DNAJC11: variants seen among roughly 807,000 people sequenced by gnomAD.
DNAJC11 encodes dnaJ homolog subfamily C member 11.
DNAJC11 carries 15 observed loss-of-function variants against 78.6 expected under a neutral mutation model. The ratio of observed to expected loss-of-function variants is 0.19; its 90% CI spans 0.13 to 0.29. The LOEUF is 0.29. DNAJC11 is among the 10% of genes least tolerant of loss of function. The pLI is 1.00. For synonymous variants in DNAJC11, 292 were observed against 272.1 expected, an observed-to-expected ratio of 1.07 and a Z score of -0.72; for missense variants, 547 against 709.6, an observed-to-expected ratio of 0.77 and a Z score of 2.60.
At chr1:6,672,399 C>G (rs1014218233) in intron 3 of DNAJC11, among the ~76,000 whole-genome samples, 3 of 152,178 alleles carry the variant, frequency 2.0e-5, no homozygotes, top group Admixed American at 2.0e-4. Context: ...GGAAAAGATT[C>G]ATTTTCAGGA....
chr1:6,698,463 G>A (rs943869764), intron 1 of DNAJC11, among the ~76,000 whole-genome samples: 1 of 151,992 alleles, frequency 6.6e-6, no homozygotes, highest in African/African-American at 2.4e-5. Context: ...ATGGAATCCC[G>A]GGATGGAAAA....
chr1:6,692,323 C>T (rs886758433), intron 1 of DNAJC11, among the ~76,000 whole-genome samples: 2 of 152,054 alleles, frequency 1.3e-5, no homozygotes, highest in African/African-American at 2.4e-5. Flanking sequence ...CCTCCCTGCA[C>T]ACAGGCAGCT....
chr1:6,642,486 G>A (rs1238162193), intron 10 of DNAJC11, among the ~76,000 whole-genome samples: 2 of 152,086 alleles, frequency 1.3e-5, no homozygotes, highest in Admixed American at 6.6e-5. Context: ...GAAAGAGATC[G>A]AGGCTGACTC....
chr1:6,699,218 GC>G (rs1642886610), intron 1 of DNAJC11, among the ~76,000 whole-genome samples: 1 of 151,738 alleles, frequency 6.6e-6, no homozygotes, highest in African/African-American at 2.4e-5. Context: ...GAGCACCTGA[GC>G]CCGGGGAAGT....
At position 6,653,985 on chromosome 1, in the gene DNAJC11, C is replaced by T. The variant is rs769835924; in HGVS notation, c.433G>A (p.Glu145Lys). ...ATDLFDRYDE[E>K]YEDVSGSSFP... ...CTACTGCCGGACACATCTTCATACTCCTCATCATAGCGATCAAAAAGGTCG... is the reference window on the plus strand; with the variant it reads ...CTACTGCCGGACACATCTTCATACTTCTCATCATAGCGATCAAAAAGGTCG... The change falls in exon 5 of 16, where the codon GAG becomes AAG. Residue 145 changes from glutamate (E) to lysine (K), a missense_variant. Coordinates refer to ENST00000377577, the MANE Select transcript of DNAJC11 (RefSeq NM_018198.4). This position sits in a 1 kb window ranked among gnomAD's most constrained non-coding sequence, Gnocchi z 4.5. 2 of 1,613,702 alleles carry T rather than the reference C, an allele frequency of 1.2e-6. No individual in the cohort carries two copies. Among genetic ancestry groups the T allele is most frequent in the Non-Finnish European group, 1.7e-6 (2 of 1,179,716 alleles).
Position 6,680,181 on chromosome 1 carries a change from A to AT in DNAJC11, c.202+726dup, listed in dbSNP as rs531684542. Among the ~76,000 whole-genome samples, 683 of 152,166 alleles carry AT rather than the reference A, an allele frequency of 4.5e-3. 7 individuals carry two copies. Among genetic ancestry groups the AT allele is most frequent in the Non-Finnish European group, 5.7e-3 (385 of 67,998 alleles). ...TTGATGTATATAACAGTGATTTAAC[A>AT]TTTTTTTTAATTTAAATTTTAAAAA... On this transcript the variant is annotated intron_variant, in intron 2 of 15. Transcript: ENST00000377577. This position sits in a 1 kb window ranked among gnomAD's most constrained non-coding sequence, Gnocchi z 4.0.
chr1:6,646,660 A>G (rs1420162970), intron 7 of DNAJC11, among the ~76,000 whole-genome samples: 1 of 152,168 alleles, frequency 6.6e-6, no homozygotes, highest in Non-Finnish European at 1.5e-5. Context: ...TCCCGAAAAG[A>G]GCCTCTGCAG....
chr1:6,690,108 G>A (rs900957362), intron 1 of DNAJC11, among the ~76,000 whole-genome samples: 1 of 152,126 alleles, frequency 6.6e-6, no homozygotes, highest in Admixed American at 6.6e-5. Flanking sequence ...CCCCTAACCC[G>A]AAAGATTGTT....
intron 10 of DNAJC11, 52 bp downstream of exon 10, chr1:6,644,506 T>A (rs1641936248): frequency 7.8e-7 from 1 of 1,275,650 alleles, no homozygotes; most frequent in African/African-American, 1.5e-5. Context: ...AAAGCCTGGT[T>A]GAGTGAAGGT....
At chr1:6,649,185 CTT>C (rs879310876) in intron 7 of DNAJC11, among the ~76,000 whole-genome samples, 1 of 144,932 alleles carries the variant, frequency 6.9e-6, no homozygotes. Context: ...GGAAGCACTG[CTT>C]TTTTTTTTTT....
intron 1 of DNAJC11, among the ~76,000 whole-genome samples, chr1:6,697,839 C>T (rs1298655683): frequency 6.7e-6 from 1 of 149,870 alleles, no homozygotes; most frequent in Non-Finnish European, 1.5e-5. Context: ...GAGTCTTGCT[C>T]TGTCACCCAG....
At chr1:6,639,843 G>A (rs1570263614) in intron 11 of DNAJC11, 59 bp downstream of exon 11, 1 of 1,556,136 alleles carries the variant, frequency 6.4e-7, no homozygotes, top group East Asian at 2.3e-5. Flanking sequence ...TCCATTTTAA[G>A]GGTGAGGAAA....
chr1:6,637,170 T>TAGCA (rs1258559666), intron 14 of DNAJC11, 28 bp downstream of exon 14: 5 of 1,613,514 alleles, frequency 3.1e-6, no homozygotes, highest in Non-Finnish European at 4.2e-6. Flanking sequence ...TGTGAGCACA[T>TAGCA]AGCATGTGGT....
chr1:6,645,891 C>G lies in DNAJC11; in HGVS notation c.792G>C (p.Lys264Asn). 1.2e-6 allele frequency: 2 copies of G among 1,614,202 alleles called. No homozygotes were observed. The highest frequency in any genetic ancestry group is 2.2e-5 in the East Asian group (1 of 44,882). Reference sequence around the variant, plus strand: ...GCCACTGCAGGTAGCCCACGGTGTTCTTGTCTAGGTTCCGAGCTAGGACAG... The same window carrying G: ...GCCACTGCAGGTAGCCCACGGTGTTGTTGTCTAGGTTCCGAGCTAGGACAG... ...LTTVLARNLD[K>N]NTVGYLQWRW... The change falls in exon 8 of 16, where the codon AAG becomes AAC. Residue 264 changes from lysine to asparagine, a missense_variant. Physicochemically the swap from Lys to Asn is moderately conservative, Grantham distance 94. Coordinates refer to ENST00000377577, the MANE Select transcript of DNAJC11 (RefSeq NM_018198.4). The surrounding 1 kb of genome is among the most constrained non-coding windows in gnomAD (Gnocchi z 4.1).
chr1:6,654,261 T>C, intron 4 of DNAJC11: 1 of 437,194 alleles, frequency 2.3e-6, no homozygotes, highest in Non-Finnish European at 4.2e-6. Flanking sequence ...GAAAACATCA[T>C]TTGACCAGGA....
At chr1:6,648,699 G>A (rs372620824) in intron 7 of DNAJC11, among the ~76,000 whole-genome samples, 4 of 151,966 alleles carry the variant, frequency 2.6e-5, no homozygotes, top group Admixed American at 6.6e-5. Flanking sequence ...TCAAGTGATC[G>A]TCTCACCTGG....
chr1:6,647,222 C>T (rs968335851), intron 7 of DNAJC11, among the ~76,000 whole-genome samples: 1 of 151,342 alleles, frequency 6.6e-6, no homozygotes, highest in Non-Finnish European at 1.5e-5. Context: ...GCTGGGACTA[C>T]AGGCGCCCAC....
At chr1:6,647,817 CACAAA>C (rs1279042223) in intron 7 of DNAJC11, among the ~76,000 whole-genome samples, 3 of 151,978 alleles carry the variant, frequency 2.0e-5, no homozygotes, top group African/African-American at 4.8e-5. Flanking sequence ...CCGTCTCAAA[CACAAA>C]ACAAAACAAA....
intron 3 of DNAJC11, among the ~76,000 whole-genome samples, chr1:6,676,310 A>G (rs1048217401): frequency 3.9e-5 from 6 of 152,230 alleles, no homozygotes; most frequent in African/African-American, 1.4e-4. Context: ...AAGAAAAGAC[A>G]GAAGACTGAA....
Sources: allele counts gnomAD v4.1 joint callset (sites outside exome capture counted in the v4.1 genomes callset), GRCh38; gene constraint gnomAD v4.1.1; non-coding constraint Gnocchi (gnomAD v3.1); transcripts MANE v1.5; gene names NCBI Gene and HGNC (gene_info 2026-07-23, HGNC 2026-07-21).